The following HIP1 variants were observed in gnomAD, a reference collection of about 807,000 sequenced individuals.
The protein encoded by HIP1 is huntingtin-interacting protein 1.
In HIP1, 65 loss-of-function variants were observed where a neutral mutation model predicts 147.6. The ratio of observed to expected loss-of-function variants is 0.44; its 90% CI spans 0.36 to 0.54. The LOEUF is 0.54. Among genes scored for constraint, HIP1 ranks in the 20% least tolerant of loss-of-function variants. The probability of loss-of-function intolerance (pLI) is 0.00; values close to 1 mark genes in which losing one functional copy is unlikely to be tolerated. For synonymous variants in HIP1, 479 were observed against 504.0 expected (o/e 0.95, Z 0.67); for missense variants, 1,061 against 1,299.6 (o/e 0.82, Z 2.82).
At chr7:75,727,297 T>C (rs1477147318) in intron 1 of HIP1, among the ~76,000 whole-genome samples, 1 of 151,852 alleles carries the variant, frequency 6.6e-6, no homozygotes, top group South Asian at 2.1e-4. Flanking sequence ...GTTTTCACCA[T>C]GTTGCTTAGG....
At chr7:75,561,467 C>T in intron 12 of HIP1, 66 bp from the exon 13 acceptor site, 1 of 1,028,918 alleles carries the variant, frequency 9.7e-7, no homozygotes, top group East Asian at 2.4e-5. Flanking sequence ...TAATTGTGAG[C>T]TCAGGGGAGG....
rs1271994075 is a variant in HIP1 at position 75,622,889 on chromosome 7, CTATCTATA to C, written c.121-23650_121-23643del. The stretch of plus-strand genomic sequence containing the variant: ...TCTATCTATCTATCTATCTATCTAT[CTATCTATA>C]TATTTTTTAAAGGAAATTGGCTGGG... On this transcript the variant is annotated intron_variant, in intron 1 of 30. Transcript: ENST00000336926. Among the ~76,000 whole-genome samples the C allele has an allele frequency of 2.7e-3, 330 of 123,534 alleles. 3 individuals carry two copies. The South Asian group carries it at 0.036, about 14-fold the overall frequency. 81.0% of individuals were successfully genotyped at this position (123,534 alleles called of 152,430 possible).
chr7:75,664,995 T>C (rs1477627546), intron 1 of HIP1, among the ~76,000 whole-genome samples: 1 of 152,100 alleles, frequency 6.6e-6, no homozygotes, highest in East Asian at 1.9e-4. Context: ...TCTGGTTGGC[T>C]GGGTTTGGTG....
At chr7:75,646,754 T>C (rs1316740309) in intron 1 of HIP1, among the ~76,000 whole-genome samples, 1 of 152,172 alleles carries the variant, frequency 6.6e-6, no homozygotes, top group Non-Finnish European at 1.5e-5. Flanking sequence ...GTCTGCCCCA[T>C]GGCACTCTCT....
At position 75,663,993 on chromosome 7, in the gene HIP1, T is replaced by C. The variant is rs868963082; in HGVS notation, c.121-64746A>G. Among the ~76,000 whole-genome samples the C allele has an allele frequency of 1.1e-3, 44 of 41,534 alleles. 9 individuals are homozygous for C. Among genetic ancestry groups the C allele is most frequent in the African/African-American group, 6.5e-3 (42 of 6,490 alleles). 27.2% of individuals were successfully genotyped at this position (41,534 alleles called of 152,430 possible). On this transcript the variant is annotated intron_variant, in intron 1 of 30. Transcript: ENST00000336926. ...ATATACACATATATGTGTATATATA[T>C]ACACATATATGTGTATATATATACA... is the stretch of plus-strand genomic sequence containing the variant.
chr7:75,587,363 TGA>T (rs1796324502), intron 4 of HIP1, among the ~76,000 whole-genome samples: 1 of 152,170 alleles, frequency 6.6e-6, no homozygotes, highest in Non-Finnish European at 1.5e-5. Flanking sequence ...ATTACAGGCG[TGA>T]GCCACCGCAC....
intron 1 of HIP1, among the ~76,000 whole-genome samples, chr7:75,657,249 A>C (rs1799169909): frequency 6.6e-6 from 1 of 152,148 alleles, no homozygotes; most frequent in Non-Finnish European, 1.5e-5. Flanking sequence ...GAACAATATC[A>C]GCTGGGCATG....
chr7:75,680,699 TC>T (rs1554516741), intron 1 of HIP1, among the ~76,000 whole-genome samples: 3 of 152,012 alleles, frequency 2.0e-5, no homozygotes, highest in Non-Finnish European at 4.4e-5. Flanking sequence ...AACCTCCGCC[TC>T]CCGGGTTCAA....
intron 1 of HIP1, among the ~76,000 whole-genome samples, chr7:75,687,968 A>G (rs782592643): frequency 2.0e-5 from 3 of 152,014 alleles, no homozygotes; most frequent in Non-Finnish European, 4.4e-5. Context: ...CTGGGCTGTA[A>G]GAGTTCTTCC....
At chr7:75,616,834 T>C (rs1797688076) in intron 1 of HIP1, among the ~76,000 whole-genome samples, 1 of 152,214 alleles carries the variant, frequency 6.6e-6, no homozygotes, top group Admixed American at 6.6e-5. Flanking sequence ...TCCTCATGTT[T>C]ACCAGGGAGG....
At chr7:75,696,542 TTCCCTTCCCCTCCCC>T (rs1800641558) in intron 1 of HIP1, among the ~76,000 whole-genome samples, 2 of 48,136 alleles carry the variant, frequency 4.2e-5, no homozygotes, top group Non-Finnish European at 7.3e-5. Context: ...CTCCCCTCCC[TTCCCTTCCCCTCCCC>T]TCCCTTCCCC....
At chr7:75,645,999 T>A (rs575353931) in intron 1 of HIP1, among the ~76,000 whole-genome samples, 22 of 152,322 alleles carry the variant, frequency 1.4e-4, no homozygotes, top group African/African-American at 5.1e-4. Context: ...ACTATCCGGA[T>A]GATGGATCAT....
intron 2 of HIP1, among the ~76,000 whole-genome samples, chr7:75,598,310 T>C (rs910246498): frequency 3.8e-4 from 57 of 150,338 alleles, no homozygotes; most frequent in African/African-American, 1.4e-3. Flanking sequence ...GGCACAAGAA[T>C]CGCTTGAATC....
chr7:75,569,081 T>C (rs1387649224), intron 8 of HIP1, among the ~76,000 whole-genome samples: 1 of 152,168 alleles, frequency 6.6e-6, no homozygotes. Context: ...TCTATGACAC[T>C]GCACACACCA....
intron 7 of HIP1, among the ~76,000 whole-genome samples, chr7:75,580,098 T>TC (rs1462476306): frequency 6.6e-6 from 1 of 152,052 alleles, no homozygotes; most frequent in Non-Finnish European, 1.5e-5. Flanking sequence ...GTGTGGCCAC[T>TC]CCCCCTGCTA....
At chr7:75,731,207 G>A (rs1264218020) in intron 1 of HIP1, among the ~76,000 whole-genome samples, 1 of 151,860 alleles carries the variant, frequency 6.6e-6, no homozygotes, top group Non-Finnish European at 1.5e-5. Context: ...TCTGGGCCAG[G>A]CGCAGTTGCT....
chr7:75,657,429 C>T (rs1799175336), intron 1 of HIP1, among the ~76,000 whole-genome samples: 1 of 150,234 alleles, frequency 6.7e-6, no homozygotes, highest in Admixed American at 6.7e-5. Context: ...ACTCGGGAGG[C>T]TGAGGCAGGA....
intron 1 of HIP1, among the ~76,000 whole-genome samples, chr7:75,667,518 C>T (rs1193180378): frequency 6.6e-6 from 1 of 152,184 alleles, no homozygotes; most frequent in Non-Finnish European, 1.5e-5. Flanking sequence ...CAGGGTCTCC[C>T]TCTGTCACCC....
At chr7:75,735,541 A>C (rs1381210577) in intron 1 of HIP1, among the ~76,000 whole-genome samples, 1 of 152,108 alleles carries the variant, frequency 6.6e-6, no homozygotes, top group Non-Finnish European at 1.5e-5. Flanking sequence ...TATATCTCAT[A>C]ATACATTCTT....
Sources: allele counts gnomAD v4.1 joint callset (sites outside exome capture counted in the v4.1 genomes callset), GRCh38; gene constraint gnomAD v4.1.1; transcripts MANE v1.5; gene names NCBI Gene and HGNC (gene_info 2026-07-23, HGNC 2026-07-21).